The following MYT1L variants were observed in gnomAD, a reference collection of about 807,000 sequenced individuals.
MYT1L encodes the protein myelin transcription factor 1-like protein.
MYT1L carries 12 observed loss-of-function variants against 126.7 expected under a neutral mutation model. That is an observed-to-expected ratio of 0.09 (90% CI 0.06 to 0.15). MYT1L has a LOEUF of 0.15. MYT1L is among the 10% of genes least tolerant of loss of function. The pLI is 1.00. For synonymous variants in MYT1L, 541 were observed against 604.2 expected (o/e 0.90, Z 1.53); for missense variants, 979 against 1,585.2 (o/e 0.62, Z 6.49).
intron 2 of MYT1L, among the ~76,000 whole-genome samples, chr2:2,194,499 A>C (rs918771773): frequency 6.6e-6 from 1 of 152,166 alleles, no homozygotes; most frequent in Non-Finnish European, 1.5e-5. Context: ...ATGGGGAGAA[A>C]GGTGCGACAT....
At chr2:2,072,274 G>A (rs1172662490) in intron 3 of MYT1L, among the ~76,000 whole-genome samples, 1 of 152,184 alleles carries the variant, frequency 6.6e-6, no homozygotes. Context: ...GTACCACTAT[G>A]TGGGATTTTG....
chr2:1,910,706 T>C lies in MYT1L; in HGVS notation c.1710-359A>G, dbSNP rs1037151021. On this transcript the variant is annotated intron_variant, in intron 12 of 24. Transcript: ENST00000647738. This position sits in a 1 kb window ranked among gnomAD's most constrained non-coding sequence, Gnocchi z 4.8. ...TGAAGAATTAACAGCTTGGGTAGGA[T>C]GAGTTTTGAAGCCCCAGAATGGCAA... Among the ~76,000 whole-genome samples, 1 of 152,068 alleles carries C rather than the reference T, an allele frequency of 6.6e-6. No individual in the cohort carries two copies. Among genetic ancestry groups the C allele is most frequent in the Non-Finnish European group, 1.5e-5 (1 of 68,028 alleles).
intron 2 of MYT1L, among the ~76,000 whole-genome samples, chr2:2,268,412 T>A (rs1418040334): frequency 6.6e-6 from 1 of 152,302 alleles, no homozygotes; most frequent in Admixed American, 6.5e-5. Flanking sequence ...ACAGCTATGA[T>A]TAAAATGCAA....
At position 1,979,684 on chromosome 2, in the gene MYT1L, C is replaced by T. The variant is rs1341073292; in HGVS notation, c.55+39G>A. On this transcript the variant is annotated intron_variant, in intron 6 of 24. Transcript: ENST00000647738. This position sits in a 1 kb window ranked among gnomAD's most constrained non-coding sequence, Gnocchi z 4.0. ...CTCAGTTCCGCAGGATGAAGGTGAC[C>T]CTGAGCCGGCCTCAGGATGCAGGGA... The T allele has an allele frequency of 6.2e-7, 1 of 1,613,368 alleles. No homozygotes were observed. The highest frequency in any genetic ancestry group is 1.1e-5 in the South Asian group (1 of 91,042).
chr2:1,883,926 A>C (rs538076420), intron 18 of MYT1L: 12 of 152,308 alleles, frequency 7.9e-5, no homozygotes, highest in African/African-American at 2.6e-4. Context: ...TTTACATATT[A>C]TACATAATTA....
intron 3 of MYT1L, among the ~76,000 whole-genome samples, chr2:2,142,884 G>A (rs1208504571): frequency 6.6e-6 from 1 of 151,684 alleles, no homozygotes; most frequent in Non-Finnish European, 1.5e-5. Flanking sequence ...ACAGGATCTT[G>A]CCATGTTGGC....
At chr2:1,999,006 C>T (rs1055288627) in intron 4 of MYT1L, among the ~76,000 whole-genome samples, 26 of 152,336 alleles carry the variant, frequency 1.7e-4, no homozygotes, top group Admixed American at 1.2e-3. Flanking sequence ...AAATCTTCAA[C>T]GCGTAAACAA....
intron 4 of MYT1L, among the ~76,000 whole-genome samples, chr2:2,037,733 G>A (rs1419177215): frequency 6.6e-6 from 1 of 150,898 alleles, no homozygotes; most frequent in Non-Finnish European, 1.5e-5. Context: ...CTCCAGCCTG[G>A]GAGACAGAGC....
intron 5 of MYT1L, among the ~76,000 whole-genome samples, chr2:1,994,512 T>C (rs183773035): frequency 5.9e-5 from 9 of 152,350 alleles, no homozygotes; most frequent in Non-Finnish European, 1.2e-4. Context: ...CTGGTGATGC[T>C]CAGAGGTGTC....
In MYT1L at chr2:1,806,083, T is replaced by A. The variant is rs1477666408; in HGVS notation, c.3172+2993A>T. 2.0e-5 allele frequency among the ~76,000 whole-genome samples: 3 copies of A among 151,996 alleles called. No homozygotes were observed. Among genetic ancestry groups the A allele is most frequent in the East Asian group, 3.9e-4 (2 of 5,156 alleles). On this transcript the variant is annotated intron_variant, in intron 22 of 24. Transcript: ENST00000647738. The surrounding 1 kb of genome is among the most constrained non-coding windows in gnomAD (Gnocchi z 4.9). ...TGGATGCTGTGCCTCTGTCCCCTGA[T>A]GAGCAGCAGGAAAGGTCCCTGGACC...
At chr2:2,315,432 A>G (rs1490999820) in intron 1 of MYT1L, among the ~76,000 whole-genome samples, 2 of 152,228 alleles carry the variant, frequency 1.3e-5, no homozygotes, top group African/African-American at 2.4e-5. Context: ...TATCCTAGAT[A>G]GCCTGAACTC....
rs750220720 is a variant in MYT1L, at chr2:1,910,278, G to T, written c.1779C>A (p.Asp593Glu). The T allele has an allele frequency of 6.2e-6, 10 of 1,613,132 alleles. No individual in the cohort carries two copies. Among genetic ancestry groups the T allele is most frequent in the African/African-American group, 1.3e-5 (1 of 74,932 alleles). ...AKAQEKHQSCDVSKSSQASDR... is the reference protein window; with the variant it reads ...AKAQEKHQSCEVSKSSQASDR... ...CCGAGGCCTGGCTGGACTTGGACAC[G>T]TCGCAGCTCTGGTGCTTTTCCTGTG... The change falls in exon 13 of 25, where the codon GAC (aspartate) becomes GAA (glutamate). Residue 593 changes from aspartate (D) to glutamate (E), a missense_variant. Asp to Glu is a conservative substitution (Grantham distance 45). This residue lies in a region of MYT1L where 82 missense variants were observed against 177.2 expected (regional missense o/e 0.46). Transcript: ENST00000647738. The surrounding 1 kb of genome is among the most constrained non-coding windows in gnomAD (Gnocchi z 4.8).
rs2089281697 is a variant in MYT1L at position 2,167,142 on chromosome 2, TGC to T, written c.-304+5728_-304+5729del. Among the ~76,000 whole-genome samples the T allele has an allele frequency of 3.3e-5, 5 of 152,222 alleles. No individual in the cohort carries two copies. In the South Asian group the frequency reaches 1.0e-3, roughly 31 times the overall value. On this transcript the variant is annotated intron_variant, in intron 3 of 24. Coordinates refer to ENST00000647738, the MANE Select transcript of MYT1L (RefSeq NM_001303052.2). The stretch of plus-strand genomic sequence containing the variant: ...TGGTGCTTCTTGCCAGCCGCTGCGC[TGC>T]AGGTTTTACAGGCATTAGTGTGTGT...
chr2:1,869,579 C>T (rs779941967), intron 18 of MYT1L, among the ~76,000 whole-genome samples: 6 of 152,202 alleles, frequency 3.9e-5, no homozygotes, highest in Non-Finnish European at 8.8e-5. Flanking sequence ...GCATTTAGTT[C>T]TAAGGTGGAA....
intron 2 of MYT1L, among the ~76,000 whole-genome samples, chr2:2,231,671 C>T (rs547091850): frequency 1.3e-4 from 20 of 152,230 alleles, no homozygotes; most frequent in Admixed American, 1.2e-3. Context: ...TGGTCTTGAA[C>T]TCCTGAGCTC....
At chr2:1,850,232 CTTCCTTCCTTCCTTCCTTCCCT>C (rs1387927218) in intron 19 of MYT1L, among the ~76,000 whole-genome samples, 1 of 84,816 alleles carries the variant, frequency 1.2e-5, no homozygotes, top group Non-Finnish European at 2.3e-5. Context: ...TCCTTCCTTC[CTTCCTTCCTTCCTTCCTTCCCT>C]GTCTTTTCTC....
At chr2:1,953,573 CT>C (rs1237563372) in intron 8 of MYT1L, among the ~76,000 whole-genome samples, 8 of 152,210 alleles carry the variant, frequency 5.3e-5, no homozygotes, top group Non-Finnish European at 8.8e-5. Context: ...TCGCGTTGCT[CT>C]TGATTTTCCA....
At chr2:2,187,216 C>CA (rs1318159216) in intron 2 of MYT1L, among the ~76,000 whole-genome samples, 1 of 152,050 alleles carries the variant, frequency 6.6e-6, no homozygotes, top group Non-Finnish European at 1.5e-5. Flanking sequence ...GAGCTTCCCC[C>CA]AGCCATCAGC....
rs75323990 is a variant in MYT1L at position 2,168,410 on chromosome 2, G to T, written c.-304+4462C>A. 4.1e-3 allele frequency among the ~76,000 whole-genome samples: 625 copies of T among 152,314 alleles called. 4 individuals are homozygous for T. The highest frequency in any genetic ancestry group is 0.015 in the African/African-American group (604 of 41,578). ...AAGCACTTGTTAGGTGTGTTGGGGT[G>T]CATATGGAAAGTTCTGGATCTTACT... On this transcript the variant is annotated intron_variant, in intron 3 of 24. Coordinates refer to ENST00000647738, the MANE Select transcript of MYT1L (RefSeq NM_001303052.2).
Sources: gnomAD v4.1 joint callset for allele counts (sites outside exome capture counted in the v4.1 genomes callset) on GRCh38, gnomAD v4.1.1 for gene constraint, gnomAD v4.1.1 regional missense constraint, Gnocchi (gnomAD v3.1) non-coding constraint, MANE v1.5 for transcripts, NCBI Gene and HGNC (gene_info 2026-07-23, HGNC 2026-07-21) for gene names.